ELP4: variants seen among roughly 807,000 people sequenced by gnomAD.
ELP4 encodes the protein elongator complex protein 4.
Under a neutral mutation model 48.9 loss-of-function variants are expected in ELP4, and 51 were observed. The observed-to-expected ratio is 1.04, with a 90% CI of 0.83 to 1.32. ELP4 has a LOEUF of 1.32. ELP4 is among the 40% of genes most tolerant of loss of function. ELP4 has a pLI of 0.00. For synonymous variants in ELP4, 210 were observed against 189.2 expected (o/e 1.11, Z -0.90); for missense variants, 519 against 514.6 (o/e 1.01, Z -0.08).
At chr11:31,599,018 C>T (rs1338064170) in intron 4 of ELP4, 1 of 152,078 alleles carries the variant, frequency 6.6e-6, no homozygotes, top group African/African-American at 2.4e-5. Flanking sequence ...CTTAAAGGCA[C>T]TTATCATTAA....
chr11:31,704,225 A>G (rs945982628), intron 9 of ELP4, among the ~76,000 whole-genome samples: 2 of 151,928 alleles, frequency 1.3e-5, no homozygotes, highest in African/African-American at 2.4e-5. Flanking sequence ...CTTCTCAGCA[A>G]CTAAAAAAAA....
chr11:31,573,047 A>T (rs1957213316), intron 3 of ELP4, among the ~76,000 whole-genome samples: 1 of 152,188 alleles, frequency 6.6e-6, no homozygotes, highest in African/African-American at 2.4e-5. Context: ...GGGCAGGAGG[A>T]GGAAGGCAGG....
intron 9 of ELP4, among the ~76,000 whole-genome samples, chr11:31,665,517 A>G (rs1945652814): frequency 6.6e-6 from 1 of 152,118 alleles, no homozygotes; most frequent in South Asian, 2.1e-4. Context: ...CAAAGTATTT[A>G]TGCTTTCTAA....
At chr11:31,531,836 G>C (rs1022136088) in intron 2 of ELP4, among the ~76,000 whole-genome samples, 1 of 152,136 alleles carries the variant, frequency 6.6e-6, no homozygotes, top group African/African-American at 2.4e-5. Flanking sequence ...GGAGGAGTAA[G>C]GTTAGAGATA....
chr11:31,637,542 G>T (rs1945006948), intron 7 of ELP4, among the ~76,000 whole-genome samples: 1 of 151,892 alleles, frequency 6.6e-6, no homozygotes, highest in Non-Finnish European at 1.5e-5. Flanking sequence ...ACTCAGCATT[G>T]TGCTGCTTGT....
intron 9 of ELP4, among the ~76,000 whole-genome samples, chr11:31,748,674 T>G (rs1303952589): frequency 1.3e-5 from 2 of 152,120 alleles, no homozygotes; most frequent in Non-Finnish European, 1.5e-5. Context: ...GAGCTTACAT[T>G]ATAATATGAC....
chr11:31,556,372 A>T (rs921968269), intron 3 of ELP4, among the ~76,000 whole-genome samples: 1 of 151,912 alleles, frequency 6.6e-6, no homozygotes, highest in African/African-American at 2.4e-5. Flanking sequence ...TTTCTATGGA[A>T]TGTTTTATAA....
At chr11:31,595,897 CT>C (rs1450948591) in intron 4 of ELP4, among the ~76,000 whole-genome samples, 3 of 152,028 alleles carry the variant, frequency 2.0e-5, no homozygotes, top group African/African-American at 7.2e-5. Flanking sequence ...CCTTTTTAGC[CT>C]CTTCCTCCTG....
At chr11:31,763,180 T>C (rs1183177320) in intron 9 of ELP4, among the ~76,000 whole-genome samples, 1 of 152,048 alleles carries the variant, frequency 6.6e-6, no homozygotes, top group Non-Finnish European at 1.5e-5. Context: ...AAAACAAATA[T>C]CCTTTAAGGA....
chr11:31,646,500 T>C (rs1229513579), intron 7 of ELP4: 2 of 151,796 alleles, frequency 1.3e-5, no homozygotes, highest in African/African-American at 4.8e-5. Flanking sequence ...AATTTTTCAT[T>C]CTTAGGCCAT....
chr11:31,634,548 C>T (rs1170722125), intron 7 of ELP4, among the ~76,000 whole-genome samples: 1 of 151,926 alleles, frequency 6.6e-6, no homozygotes, highest in Admixed American at 6.6e-5. Context: ...ATTCCCATTG[C>T]GGATTTCTGT....
chr11:31,652,064 C>T (rs979820973), intron 9 of ELP4: 7 of 151,634 alleles, frequency 4.6e-5, no homozygotes, highest in Non-Finnish European at 8.9e-5. Context: ...CTCTCTTGTT[C>T]CCACTATGGT....
At chr11:31,570,110 CA>C (rs1957170767) in intron 3 of ELP4, among the ~76,000 whole-genome samples, 3 of 152,146 alleles carry the variant, frequency 2.0e-5, no homozygotes, top group African/African-American at 7.2e-5. Context: ...GGAACCAACC[CA>C]GGTGCCCGTC....
intron 3 of ELP4, among the ~76,000 whole-genome samples, chr11:31,593,102 A>C (rs1274217917): frequency 6.6e-6 from 1 of 152,196 alleles, no homozygotes; most frequent in African/African-American, 2.4e-5. Flanking sequence ...TCTGAGGACA[A>C]TTGTTTGACT....
intron 9 of ELP4, among the ~76,000 whole-genome samples, chr11:31,778,647 C>T (rs1322699102): frequency 6.6e-6 from 1 of 152,100 alleles, no homozygotes; most frequent in Admixed American, 6.6e-5. Flanking sequence ...GAATCATTCC[C>T]CCATGATAGA....
chr11:31,628,120 G>A (rs1944785442), intron 6 of ELP4: 1 of 152,022 alleles, frequency 6.6e-6, no homozygotes. Context: ...GACTTTTCAT[G>A]TATGTCATAA....
At chr11:31,519,865 T>C (rs1360733112) in intron 1 of ELP4, among the ~76,000 whole-genome samples, 191 bp from the exon 2 acceptor site, 1 of 151,968 alleles carries the variant, frequency 6.6e-6, no homozygotes, top group Non-Finnish European at 1.5e-5. Flanking sequence ...ATGTGTAGTA[T>C]GTAATTACAT....
intron 2 of ELP4, among the ~76,000 whole-genome samples, chr11:31,536,495 G>A (rs187737106): frequency 1.3e-5 from 2 of 152,200 alleles, no homozygotes; most frequent in Admixed American, 6.5e-5. Context: ...GGGATTATAC[G>A]CATGTGCAAG....
intron 3 of ELP4, among the ~76,000 whole-genome samples, chr11:31,578,605 A>C (rs1440039863): frequency 1.3e-5 from 2 of 152,186 alleles, no homozygotes; most frequent in African/African-American, 2.4e-5. Context: ...AGATCAATGG[A>C]ACAGAACGGA....
Sources: allele counts gnomAD v4.1 joint callset (sites outside exome capture counted in the v4.1 genomes callset), GRCh38; gene constraint gnomAD v4.1.1; transcripts MANE v1.5; gene names NCBI Gene and HGNC (gene_info 2026-07-23, HGNC 2026-07-21).